The following TMEM207 variants were observed in gnomAD, a reference collection of about 807,000 sequenced individuals.
TMEM207 encodes the protein SRSR846.
In TMEM207, 15 loss-of-function variants were observed where a neutral mutation model predicts 17.4. That is an observed-to-expected ratio of 0.86 (90% confidence interval 0.58 to 1.33). The LOEUF (loss-of-function observed/expected upper bound fraction) is 1.33, where lower values mean the gene tolerates loss of function less well. Ranked by LOEUF, TMEM207 falls within the 40% of genes most tolerant of loss-of-function variation. TMEM207 has a pLI of 0.00. For synonymous variants in TMEM207, 70 were observed against 65.6 expected, an observed-to-expected ratio of 1.07 and a Z score of -0.33; for missense variants, 205 against 173.8, an observed-to-expected ratio of 1.18 and a Z score of -1.01.
intron 1 of TMEM207, 84 bp from the exon 2 acceptor site, chr3:190,447,911 G>C: frequency 7.8e-7 from 1 of 1,283,544 alleles, no homozygotes; most frequent in Non-Finnish European, 1.1e-6. Context: ...AGACAATGTG[G>C]GTTTATATCA....
Position 190,433,945 on chromosome 3 carries a change from C to T in TMEM207, c.305-4214G>A, listed in dbSNP as rs562248416. ...CCGCCTCCCACTCTCTTCCTCCTGGCCCAGCCATGTGAAGTGCTTGCTCCC... is the reference window on the plus strand; with the variant it reads ...CCGCCTCCCACTCTCTTCCTCCTGGTCCAGCCATGTGAAGTGCTTGCTCCC... On this transcript the variant is annotated intron_variant, in intron 4 of 4. Coordinates refer to ENST00000354905, the MANE Select transcript of TMEM207 (RefSeq NM_207316.3). 3.0e-3 allele frequency among the ~76,000 whole-genome samples: 450 copies of T among 152,252 alleles called. 1 individual carries two copies. Among genetic ancestry groups the T allele is most frequent in the Admixed American group, 7.1e-3 (108 of 15,292 alleles).
chr3:190,448,470 G>A (rs561604929), intron 1 of TMEM207, among the ~76,000 whole-genome samples: 1 of 152,226 alleles, frequency 6.6e-6, no homozygotes, highest in East Asian at 1.9e-4. Flanking sequence ...TTAGTTATCT[G>A]CACTGAGTGT....
At chr3:190,447,154 G>A (rs1291750307) in intron 2 of TMEM207, among the ~76,000 whole-genome samples, 1 of 152,032 alleles carries the variant, frequency 6.6e-6, no homozygotes, top group Non-Finnish European at 1.5e-5. Flanking sequence ...TAACAGTAAG[G>A]GCTGCAAGCA....
rs113181221 is a variant in TMEM207 at position 190,441,501 on chromosome 3, C to A, written c.114-19G>T. On this transcript the variant is annotated intron_variant, in intron 2 of 4. Transcript: ENST00000354905. ...TACACACCTGGTGATAAAGGGAGAG[C>A]GTTAGTCCTGGAACTCAGGATAGCC... 1.9e-6 allele frequency: 3 copies of A among 1,605,946 alleles called. No individual in the cohort carries two copies. Among genetic ancestry groups the A allele is most frequent in the African/African-American group, 1.3e-5 (1 of 74,544 alleles).
intron 4 of TMEM207, among the ~76,000 whole-genome samples, chr3:190,429,959 A>C (rs1261599855): frequency 6.6e-6 from 1 of 152,206 alleles, no homozygotes; most frequent in Non-Finnish European, 1.5e-5. Context: ...ATCATTGTCT[A>C]ACCCATCAAG....
intron 2 of TMEM207, among the ~76,000 whole-genome samples, chr3:190,443,155 T>TG (rs1288922717): frequency 1.1e-3 from 160 of 150,270 alleles, no homozygotes; most frequent in Middle Eastern, 6.9e-3. Context: ...CTTTTTTTTT[T>TG]TTTTGTTTTG....
chr3:190,441,461 T>C lies in TMEM207; in HGVS notation c.135A>G (p.Gln45=). ...ACCAGATATACCAGCCATTAGGGTG[T>C]TGGTCATTATAATTTACACACCTGG... ...EDEMCVNYND[Q]HPNGWYIWIL... The change falls in exon 3 of 5, where the codon CAA becomes CAG. Residue 45 remains glutamine, a synonymous_variant. Transcript: ENST00000354905. 1 of 1,612,026 alleles carries C rather than the reference T, an allele frequency of 6.2e-7. No homozygotes were observed. The highest frequency in any genetic ancestry group is 8.5e-7 in the Non-Finnish European group (1 of 1,178,862).
chr3:190,432,908 G>A (rs1033743389), intron 4 of TMEM207, among the ~76,000 whole-genome samples: 2 of 152,148 alleles, frequency 1.3e-5, no homozygotes, highest in Admixed American at 6.5e-5. Context: ...AAGCCAAGAT[G>A]AGTGTCCCTA....
chr3:190,443,810 C>T (rs1719987519), intron 2 of TMEM207, among the ~76,000 whole-genome samples: 1 of 151,906 alleles, frequency 6.6e-6, no homozygotes, highest in South Asian at 2.1e-4. Context: ...GAAATTATTC[C>T]TCAGGGATTG....
rs1408561493 is a variant in TMEM207 at position 190,445,022 on chromosome 3, C to T, written c.113+2768G>A. Among the ~76,000 whole-genome samples the T allele has an allele frequency of 3.9e-5, 6 of 152,092 alleles. No homozygotes were observed. In the East Asian group the frequency reaches 9.6e-4, roughly 24 times the overall value. ...GACTATGCATATCTCAGGTATTTCA[C>T]CAGATGTATAATTGATTAAATGTTG... On this transcript the variant is annotated intron_variant, in intron 2 of 4. Transcript: ENST00000354905.
intron 2 of TMEM207, among the ~76,000 whole-genome samples, chr3:190,446,017 A>G (rs766673286): frequency 2.6e-5 from 4 of 152,098 alleles, no homozygotes; most frequent in Non-Finnish European, 5.9e-5. Flanking sequence ...TTCCAATCCA[A>G]GTCTCCCTTT....
chr3:190,443,803 A>T (rs1471677628), intron 2 of TMEM207, among the ~76,000 whole-genome samples: 2 of 152,218 alleles, frequency 1.3e-5, no homozygotes, highest in African/African-American at 4.8e-5. Flanking sequence ...TGAAAATGAA[A>T]TTATTCCTCA....
chr3:190,440,102 C>G, intron 4 of TMEM207, 142 bp downstream of exon 4: 2 of 914,702 alleles, frequency 2.2e-6, no homozygotes, highest in South Asian at 4.7e-5. Context: ...CCCTTAAACT[C>G]TCCTCAGTGC....
Position 190,429,448 on chromosome 3 carries a change from C to A in TMEM207, c.*147G>T. The A allele has an allele frequency of 5.8e-6, 7 of 1,204,226 alleles. No individual in the cohort carries two copies. The highest frequency in any genetic ancestry group is 5.0e-5 in the South Asian group (3 of 59,558). 74.6% of individuals were successfully genotyped at this position (1,204,226 alleles called of 1,614,324 possible). ...TCTCCATGACCAAAATTTTTTCCAACATCCATTCTTTTGTCGAATTGTCCT... is the reference window on the plus strand; with the variant it reads ...TCTCCATGACCAAAATTTTTTCCAAAATCCATTCTTTTGTCGAATTGTCCT... On this transcript the variant is annotated 3_prime_UTR_variant, in exon 5 of 5. Coordinates refer to ENST00000354905, the MANE Select transcript of TMEM207 (RefSeq NM_207316.3).
intron 4 of TMEM207, among the ~76,000 whole-genome samples, chr3:190,430,325 T>C (rs1378764810): frequency 6.6e-6 from 1 of 152,124 alleles, no homozygotes; most frequent in East Asian, 1.9e-4. Flanking sequence ...ATATAGGCCA[T>C]TAACTATTAC....
chr3:190,434,241 C>T (rs552983569), intron 4 of TMEM207, among the ~76,000 whole-genome samples: 13 of 151,998 alleles, frequency 8.6e-5, no homozygotes, highest in African/African-American at 2.7e-4. Flanking sequence ...TGACTGTGTC[C>T]CCACCCAAAT....
chr3:190,449,000 G>A (rs934934796), intron 1 of TMEM207, among the ~76,000 whole-genome samples: 2 of 152,192 alleles, frequency 1.3e-5, no homozygotes, highest in Non-Finnish European at 2.9e-5. Flanking sequence ...CATAAAGAAA[G>A]TTTATTTATG....
chr3:190,446,777 TCC>T (rs1250602351), intron 2 of TMEM207, among the ~76,000 whole-genome samples: 3 of 152,216 alleles, frequency 2.0e-5, no homozygotes, highest in African/African-American at 7.2e-5. Context: ...TAAGATCCTT[TCC>T]AATTCTGAAC....
intron 2 of TMEM207, among the ~76,000 whole-genome samples, chr3:190,443,615 A>G (rs1274883817): frequency 1.3e-5 from 2 of 151,324 alleles, no homozygotes; most frequent in Non-Finnish European, 3.0e-5. Flanking sequence ...TAGTCAGAGA[A>G]CTACACTGGA....
Sources: allele counts gnomAD v4.1 joint callset (sites outside exome capture counted in the v4.1 genomes callset), GRCh38; gene constraint gnomAD v4.1.1; transcripts MANE v1.5; gene names NCBI Gene and HGNC (gene_info 2026-07-23, HGNC 2026-07-21).